MYOM1: variants seen among roughly 807,000 people sequenced by gnomAD.
MYOM1 encodes the protein myomesin 1, also known as myomesin-1.
A neutral mutation model predicts 205.3 loss-of-function variants in MYOM1; 164 were observed. The observed-to-expected ratio is 0.80, with a 90% CI of 0.70 to 0.91. The LOEUF (loss-of-function observed/expected upper bound fraction) is 0.91. Ranked by LOEUF, MYOM1 falls within the 40% of genes least tolerant of loss-of-function variation. The pLI is 0.00. For synonymous variants in MYOM1, 772 were observed against 789.4 expected (o/e 0.98, Z 0.37); for missense variants, 2,011 against 2,127.3 (o/e 0.95, Z 1.08).
chr18:3,207,780 G>A lies in MYOM1; in HGVS notation c.290+7154C>T, dbSNP rs774648171. On this transcript the variant is annotated intron_variant, in intron 2 of 37. Transcript: ENST00000356443. ...GAGGTAGCAGCTTTGCCCTTCCTCC[G>A]CCTCTGGCTGACTCATTCTACTCTG... Among the ~76,000 whole-genome samples the A allele has an allele frequency of 7.2e-5, 11 of 152,218 alleles. No individual in the cohort carries two copies. In the South Asian group the frequency reaches 1.0e-3, roughly 14 times the overall value.
the MYOM1 span, among the ~76,000 whole-genome samples, chr18:3,234,517 TAAG>T: frequency 9.9e-5 from 15 of 152,070 alleles, no homozygotes; most frequent in African/African-American, 3.4e-4. Flanking sequence ...TTATAGGAGG[TAAG>T]AAGATCAATC....
chr18:3,131,181 G>A (rs1041433063), intron 17 of MYOM1, among the ~76,000 whole-genome samples, 194 bp downstream of exon 17: 12 of 152,204 alleles, frequency 7.9e-5, no homozygotes, highest in Non-Finnish European at 1.5e-4. Flanking sequence ...ACAGAATCTG[G>A]ATAAGTGATG....
rs1355243699 is a variant in MYOM1, at chr18:3,215,166, T to C, written c.58A>G (p.Lys20Glu). The C allele has an allele frequency of 4.3e-6, 7 of 1,613,636 alleles. No homozygotes were observed. The South Asian group carries it at 5.5e-5, about 13-fold the overall frequency. Residue 20 changes from lysine (K) to glutamate (E), a missense_variant, in exon 2 of 38, where the codon AAG becomes GAG. Coordinates refer to ENST00000356443, the MANE Select transcript of MYOM1 (RefSeq NM_003803.4). ...TGACTCACGGTGCTGCGCACGTCCT[T>C]GTTGCGGTAGCTGAGATCATAGTGC... ...HQHYDLSYRNKDVRSTVSHYQ... is the reference protein window; with the variant it reads ...HQHYDLSYRNEDVRSTVSHYQ...
intron 14 of MYOM1, among the ~76,000 whole-genome samples, chr18:3,141,489 C>A (rs1261830942): frequency 6.6e-6 from 1 of 152,200 alleles, no homozygotes; most frequent in Non-Finnish European, 1.5e-5. Flanking sequence ...TCCACACTCC[C>A]GGCCATTTGA....
chr18:3,077,991 T>A (rs16944368), intron 34 of MYOM1, among the ~76,000 whole-genome samples: 479 of 151,874 alleles, frequency 3.2e-3, no homozygotes, highest in African/African-American at 0.011. Flanking sequence ...CTCTAAGTGA[T>A]GAATCTGCTC....
chr18:3,090,741 T>C lies in MYOM1; in HGVS notation c.3926A>G (p.Gln1309Arg). The change falls in exon 27 of 38, where the codon CAG becomes CGG. Residue 1309 changes from glutamine (Q) to arginine (R), a missense_variant. Gln to Arg is a conservative substitution (Grantham distance 43). Transcript: ENST00000356443. ...GIIEMFMEKL[Q>R]DEDEGTYTFQ... The stretch of plus-strand genomic sequence containing the variant: ...AGTGTACGTTCCCTCATCCTCATCC[T>C]GTAGCTTTTCCATGAACATTTCGAT... The C allele has an allele frequency of 6.2e-7, 1 of 1,613,996 alleles. No homozygotes were observed. The highest frequency in any genetic ancestry group is 8.5e-7 in the Non-Finnish European group (1 of 1,179,876).
rs1555613121 is a variant in MYOM1, at chr18:3,067,490, C to T, written c.4830G>A (p.Glu1610=). Residue 1610 remains glutamate, a synonymous_variant, in exon 38 of 38, where the codon GAG becomes GAA. Coordinates refer to ENST00000356443, the MANE Select transcript of MYOM1 (RefSeq NM_003803.4). ...PPPEVSWLKN[E]KALASDDHCN... is the part of the protein sequence containing the mutation. ...AGTGGTCGTCTGAGGCCAGGGCCTT[C>T]TCGTTCTTCAACCACGACACCTCCG... 3.1e-6 allele frequency: 5 copies of T among 1,613,744 alleles called. No individual in the cohort carries two copies. The East Asian group carries it at 1.1e-4, about 36-fold the overall frequency.
chr18:3,188,453 C>CTAAAAAAAA (rs1465743943), intron 4 of MYOM1, among the ~76,000 whole-genome samples: 6 of 129,960 alleles, frequency 4.6e-5, no homozygotes, highest in African/African-American at 1.0e-4. Flanking sequence ...CCCACCTCTA[C>CTAAAAAAAA]CAGAAAAAAA....
At chr18:3,104,217 T>A (rs1257498007) in intron 22 of MYOM1, among the ~76,000 whole-genome samples, 3 of 151,882 alleles carry the variant, frequency 2.0e-5, no homozygotes, top group African/African-American at 7.3e-5. Flanking sequence ...CACTGAAGAG[T>A]GTTGAGGTTT....
rs979959493 is a variant in MYOM1 at position 3,189,077 on chromosome 18, C to T, written c.442G>A (p.Val148Ile). The change falls in exon 4 of 38, where the codon GTC (valine) becomes ATC (isoleucine). Residue 148 changes from valine (V) to isoleucine (I), a missense_variant. Physicochemically the swap from Val to Ile is conservative, Grantham distance 29. Coordinates refer to ENST00000356443, the MANE Select transcript of MYOM1 (RefSeq NM_003803.4). The surrounding 1 kb of genome is among the most constrained non-coding windows in gnomAD (Gnocchi z 4.8). Reference protein sequence around the residue: ...VPIFSGRQKHVSGITDTEEER... With the variant: ...VPIFSGRQKHISGITDTEEER... ...TCTTCCGTATCAGTAATTCCACTGA[C>T]ATGCTTTTGACTAAAACACAACAAT... The T allele has an allele frequency of 8.7e-6, 14 of 1,611,234 alleles. No homozygotes were observed. In the Admixed American group the frequency reaches 1.2e-4, roughly 13 times the overall value.
At chr18:3,112,225 C>A in intron 22 of MYOM1, 73 bp downstream of exon 22, 1 of 1,234,476 alleles carries the variant, frequency 8.1e-7, no homozygotes, top group South Asian at 1.3e-5. Flanking sequence ...TAGAGGAAAG[C>A]ACAGAAAGGC....
chr18:3,136,825 G>A (rs2079973310), intron 14 of MYOM1, among the ~76,000 whole-genome samples: 1 of 152,148 alleles, frequency 6.6e-6, no homozygotes. Flanking sequence ...TAAGTTATTT[G>A]TTGTCTCCTC....
Position 3,072,370 on chromosome 18 carries a change from T to TTTTTTTTTTTTTTTTTTTTTG in MYOM1, c.4709-482_4709-481insCAAAAAAAAAAAAAAAAAAAA, listed in dbSNP as rs768555182. 1.2e-4 allele frequency among the ~76,000 whole-genome samples: 14 copies of TTTTTTTTTTTTTTTTTTTTTG among 116,000 alleles called. 2 individuals are homozygous for TTTTTTTTTTTTTTTTTTTTTG. Among genetic ancestry groups the TTTTTTTTTTTTTTTTTTTTTG allele is most frequent in the African/African-American group, 3.0e-4 (9 of 29,822 alleles). The allele number at this position is 116,000 out of a possible 152,430, so 76.1% of individuals were successfully genotyped here. The stretch of plus-strand genomic sequence containing the variant: ...CCCGGCTTTTTTTTTTTTTTTTTTT[T>TTTTTTTTTTTTTTTTTTTTTG]TGAGGCAGAGTCTCGCTCTGTCACC... On this transcript the variant is annotated intron_variant, in intron 36 of 37. Coordinates refer to ENST00000356443, the MANE Select transcript of MYOM1 (RefSeq NM_003803.4).
chr18:3,151,589 G>T, intron 12 of MYOM1, 105 bp downstream of exon 12: 2 of 942,744 alleles, frequency 2.1e-6, no homozygotes, highest in Non-Finnish European at 3.0e-6. Context: ...TCTTGTTCTT[G>T]TCTCCCTCTA....
intron 5 of MYOM1, among the ~76,000 whole-genome samples, chr18:3,186,820 GAAAGAGAA>G (rs1036663981): frequency 7.5e-6 from 1 of 132,590 alleles, no homozygotes; most frequent in Non-Finnish European, 1.6e-5. Context: ...AAGAAAGAAA[GAAAGAGAA>G]AGAAAGAAGA....
At chr18:3,197,205 C>T (rs1216696262) in intron 2 of MYOM1, among the ~76,000 whole-genome samples, 10 of 150,574 alleles carry the variant, frequency 6.6e-5, no homozygotes, top group Non-Finnish European at 1.3e-4. Context: ...GGCGCGATCT[C>T]GGCTCACTGC....
the MYOM1 span, among the ~76,000 whole-genome samples, chr18:3,236,144 C>T: frequency 6.6e-6 from 1 of 151,562 alleles, no homozygotes; most frequent in Non-Finnish European, 1.5e-5. Flanking sequence ...AGCATAGTCA[C>T]GTAAGTAGAG....
At chr18:3,070,294 G>A (rs2078944687) in intron 37 of MYOM1, among the ~76,000 whole-genome samples, 1 of 152,086 alleles carries the variant, frequency 6.6e-6, no homozygotes, top group African/African-American at 2.4e-5. Flanking sequence ...GACTACAGGT[G>A]TGCACCACCA....
rs756218034 is a variant in MYOM1, at chr18:3,126,704, G to A, written c.2988C>T (p.Tyr996=). Residue 996 remains tyrosine (Y), a synonymous_variant, in exon 19 of 38, where the codon TAC becomes TAT. Coordinates refer to ENST00000356443, the MANE Select transcript of MYOM1 (RefSeq NM_003803.4). ...ANVKAVSEEA[Y]KISNLKENMV... ...CTACAGAAAGTCACGTGCTTACCTTGTATGCCTCCTCACTGACAGCCTTGA... is the reference window on the plus strand; with the variant it reads ...CTACAGAAAGTCACGTGCTTACCTTATATGCCTCCTCACTGACAGCCTTGA... 1.1e-5 allele frequency: 18 copies of A among 1,611,924 alleles called. No individual in the cohort carries two copies. The highest frequency in any genetic ancestry group is 1.4e-5 in the Non-Finnish European group (16 of 1,178,712).
Sources: allele counts gnomAD v4.1 joint callset (sites outside exome capture counted in the v4.1 genomes callset), GRCh38; gene constraint gnomAD v4.1.1; non-coding constraint Gnocchi (gnomAD v3.1); transcripts MANE v1.5; gene names NCBI Gene and HGNC (gene_info 2026-07-23, HGNC 2026-07-21).